The following TMEM51 variants were observed in gnomAD, a reference collection of about 807,000 sequenced individuals.
TMEM51 encodes chromosome 1 open reading frame 72.
TMEM51 carries 8 observed loss-of-function variants against 13.6 expected under a neutral mutation model. That is an observed-to-expected ratio of 0.59 (90% CI 0.35 to 1.07). TMEM51 has a LOEUF of 1.07. Ranked by LOEUF, TMEM51 falls within the 50% of genes least tolerant of loss-of-function variation. The probability of loss-of-function intolerance (pLI) is 0.02; values close to 1 mark genes in which losing one functional copy is unlikely to be tolerated. For synonymous variants in TMEM51, 147 were observed against 144.4 expected (o/e 1.02, Z -0.13); for missense variants, 279 against 330.7 (o/e 0.84, Z 1.21).
intron 1 of TMEM51, among the ~76,000 whole-genome samples, chr1:15,206,033 T>C (rs1347569887): frequency 6.6e-6 from 1 of 152,020 alleles, no homozygotes; most frequent in Non-Finnish European, 1.5e-5. Flanking sequence ...GCCCAGGAAA[T>C]CGAGACCAGC....
chr1:15,215,026 C>A lies in TMEM51; in HGVS notation c.-62C>A. Reference sequence around the variant, plus strand: ...CGCATTTAAGGGGTTTTTGTTGTGACTGCTGCCTTGTATACATTTATTTTC... The same window carrying A: ...CGCATTTAAGGGGTTTTTGTTGTGAATGCTGCCTTGTATACATTTATTTTC... On this transcript the variant is annotated 5_prime_UTR_variant, in exon 3 of 4. It adds an upstream start codon to the 5' untranslated region. Transcript: ENST00000376008. 1 of 1,484,294 alleles carries A rather than the reference C, an allele frequency of 6.7e-7. No individual in the cohort carries two copies. The highest frequency in any genetic ancestry group is 9.1e-7 in the Non-Finnish European group (1 of 1,100,294). The allele number at this position is 1,484,294 out of a possible 1,614,324, so 91.9% of individuals were successfully genotyped here.
At chr1:15,197,506 A>G (rs1385323099) in intron 1 of TMEM51, among the ~76,000 whole-genome samples, 2 of 152,044 alleles carry the variant, frequency 1.3e-5, no homozygotes, top group Admixed American at 6.5e-5. Context: ...CCTTCTCTGC[A>G]TCTTTACCCA....
intron 1 of TMEM51, among the ~76,000 whole-genome samples, chr1:15,204,644 C>G (rs79717348): frequency 6.6e-6 from 1 of 152,184 alleles, no homozygotes; most frequent in Non-Finnish European, 1.5e-5. Context: ...TGTGGACAGG[C>G]GCTGCCACTT....
At chr1:15,171,105 A>ACC in intron 1 of TMEM51, 2 of 391,950 alleles carry the variant, frequency 5.1e-6, no homozygotes, top group Non-Finnish European at 4.9e-6. Context: ...CTCCTCCTCC[A>ACC]CCCCCCGCCA....
intron 1 of TMEM51, among the ~76,000 whole-genome samples, chr1:15,194,126 G>A (rs1459577530): frequency 1.3e-5 from 2 of 152,168 alleles, no homozygotes; most frequent in Non-Finnish European, 2.9e-5. Context: ...ACCCTTGAAA[G>A]TTTACCTCCT....
At chr1:15,209,135 T>C (rs1385924866) in intron 1 of TMEM51, among the ~76,000 whole-genome samples, 1 of 152,000 alleles carries the variant, frequency 6.6e-6, no homozygotes, top group Non-Finnish European at 1.5e-5. Flanking sequence ...AGTGGCGTGC[T>C]CAAGGCTCAC....
chr1:15,187,382 G>T (rs544782099), intron 1 of TMEM51, among the ~76,000 whole-genome samples: 7 of 152,196 alleles, frequency 4.6e-5, no homozygotes, highest in African/African-American at 1.7e-4. Context: ...CCTGCCCCTG[G>T]CCCCTAGCAT....
At chr1:15,154,924 G>A (rs1449053151) in intron 1 of TMEM51, among the ~76,000 whole-genome samples, 2 of 152,266 alleles carry the variant, frequency 1.3e-5, no homozygotes, top group Admixed American at 1.3e-4. Flanking sequence ...GCAGGGACCC[G>A]AACCGGGAGG....
intron 2 of TMEM51, among the ~76,000 whole-genome samples, 166 bp downstream of exon 2, chr1:15,210,728 A>G (rs2100344130): frequency 6.6e-6 from 1 of 152,326 alleles, no homozygotes; most frequent in East Asian, 1.9e-4. Flanking sequence ...CACCAAGCCT[A>G]CTGTGTTTTA....
At chr1:15,198,933 G>A (rs1644101705) in intron 1 of TMEM51, among the ~76,000 whole-genome samples, 1 of 152,174 alleles carries the variant, frequency 6.6e-6, no homozygotes, top group South Asian at 2.1e-4. Flanking sequence ...CCGGCCCTTA[G>A]CTGGGACCTG....
intron 1 of TMEM51, among the ~76,000 whole-genome samples, chr1:15,193,202 AG>A (rs1406950342): frequency 6.6e-6 from 1 of 152,224 alleles, no homozygotes; most frequent in Non-Finnish European, 1.5e-5. Context: ...GAGCCATTCC[AG>A]GTGACCCATG....
chr1:15,154,297 G>A (rs1642511126), intron 1 of TMEM51, among the ~76,000 whole-genome samples: 1 of 152,240 alleles, frequency 6.6e-6, no homozygotes, highest in African/African-American at 2.4e-5. Flanking sequence ...AGCGCTTTCA[G>A]CGCGTGGTTA....
chr1:15,218,199 G>A (rs1644459000), intron 3 of TMEM51, among the ~76,000 whole-genome samples: 2 of 152,228 alleles, frequency 1.3e-5, no homozygotes, highest in Non-Finnish European at 2.9e-5. Context: ...AAGGCTGAGA[G>A]GACCTGATCT....
At chr1:15,209,688 C>A (rs1644307326) in intron 1 of TMEM51, among the ~76,000 whole-genome samples, 1 of 152,118 alleles carries the variant, frequency 6.6e-6, no homozygotes, top group Non-Finnish European at 1.5e-5. Flanking sequence ...AATGTTGAAC[C>A]AAACCCTGCA....
At chr1:15,201,273 A>T (rs1377287197) in intron 1 of TMEM51, among the ~76,000 whole-genome samples, 1 of 152,182 alleles carries the variant, frequency 6.6e-6, no homozygotes. Context: ...TTAGACTGTG[A>T]TTATATTAAG....
chr1:15,155,763 T>G (rs1642570062), intron 1 of TMEM51, among the ~76,000 whole-genome samples: 1 of 151,872 alleles, frequency 6.6e-6, no homozygotes, highest in Admixed American at 6.6e-5. Context: ...GTGGGGGCTT[T>G]CTTGGAATCA....
rs186374304 is a variant in TMEM51, at chr1:15,161,726, C to T, written c.-267+7772C>T. On this transcript the variant is annotated intron_variant, in intron 1 of 3. Coordinates refer to ENST00000376008, the MANE Select transcript of TMEM51 (RefSeq NM_001136218.2). The surrounding 1 kb of genome is among the most constrained non-coding windows in gnomAD (Gnocchi z 4.0). ...AACCGAGGCAGGCAGATCACGAGAT[C>T]GAGACCATCCTGGCCAACATGGTGA... Among the ~76,000 whole-genome samples the T allele has an allele frequency of 7.9e-5, 12 of 151,940 alleles. No homozygotes were observed. The highest frequency in any genetic ancestry group is 2.4e-4 in the African/African-American group (10 of 41,316).
chr1:15,219,205 C>G, intron 3 of TMEM51, 121 bp from the exon 4 acceptor site: 3 of 1,067,356 alleles, frequency 2.8e-6, no homozygotes, highest in Non-Finnish European at 2.7e-6. Flanking sequence ...TTTATTGCCT[C>G]TAAGACCCAT....
At chr1:15,153,250 G>T (rs1288990852), upstream of TMEM51, among the ~76,000 whole-genome samples, 2 of 152,102 alleles carry the variant, frequency 1.3e-5, no homozygotes, top group African/African-American at 4.8e-5. Flanking sequence ...TGAGTATCCC[G>T]CCAGGTAAAG....
Sources: gnomAD v4.1 joint callset for allele counts (sites outside exome capture counted in the v4.1 genomes callset) on GRCh38, gnomAD v4.1.1 for gene constraint, Gnocchi (gnomAD v3.1) non-coding constraint, MANE v1.5 for transcripts, NCBI Gene and HGNC (gene_info 2026-07-23, HGNC 2026-07-21) for gene names.